Variants in ENAH observed in about 807,000 individuals in gnomAD.
ENAH encodes the protein protein enabled homolog.
In ENAH, 23 loss-of-function variants were observed where a neutral mutation model predicts 78.7. That is an observed-to-expected ratio of 0.29 (90% CI 0.21 to 0.41). The LOEUF (loss-of-function observed/expected upper bound fraction) is 0.41, where lower values mean the gene tolerates loss of function less well. Ranked by LOEUF, ENAH falls within the 10% of genes least tolerant of loss-of-function variation. ENAH has a pLI of 1.00. For synonymous variants in ENAH, 226 were observed against 241.0 expected, an observed-to-expected ratio of 0.94 and a Z score of 0.58; for missense variants, 544 against 691.0, an observed-to-expected ratio of 0.79 and a Z score of 2.39.
chr1:225,618,972 C>T (rs758854395), intron 1 of ENAH, among the ~76,000 whole-genome samples: 19 of 152,084 alleles, frequency 1.2e-4, no homozygotes, highest in Non-Finnish European at 2.6e-4. Context: ...TCCGAGGACC[C>T]CTACAATGGC....
At chr1:225,536,683 C>A (rs1210629924) in intron 3 of ENAH, among the ~76,000 whole-genome samples, 4 of 151,966 alleles carry the variant, frequency 2.6e-5, no homozygotes, top group Admixed American at 2.6e-4. Flanking sequence ...AAATAACACA[C>A]ATCTAAAAAT....
intron 1 of ENAH, among the ~76,000 whole-genome samples, chr1:225,646,931 T>C (rs1662077959): frequency 6.6e-6 from 1 of 151,992 alleles, no homozygotes; most frequent in Non-Finnish European, 1.5e-5. Context: ...CTGATAAGAA[T>C]CAAAACAAAG....
At chr1:225,650,580 G>A (rs780315810) in intron 1 of ENAH, among the ~76,000 whole-genome samples, 7 of 152,012 alleles carry the variant, frequency 4.6e-5, no homozygotes, top group Non-Finnish European at 1.0e-4. Flanking sequence ...GCCAGGCACC[G>A]TGGCTCACGC....
In ENAH at chr1:225,513,034, G is replaced by T. The variant is rs781409858; in HGVS notation, c.1219-18C>A. 4 of 1,586,450 alleles carry T rather than the reference G, an allele frequency of 2.5e-6. No homozygotes were observed. The highest frequency in any genetic ancestry group is 1.4e-5 in the African/African-American group (1 of 73,716). ...TCCTCCATCTTAATGAGAATATACA[G>T]ACATAATCAACTCCTATGTTAGACA... On this transcript the variant is annotated intron_variant, in intron 7 of 13. Transcript: ENST00000366843.
At chr1:225,562,428 C>T (rs536913578) in intron 2 of ENAH, among the ~76,000 whole-genome samples, 33 of 151,488 alleles carry the variant, frequency 2.2e-4, no homozygotes, top group African/African-American at 7.0e-4. Flanking sequence ...AAAAATTAAC[C>T]GGGCGTGGTG....
At chr1:225,592,449 G>T (rs1292186666) in intron 1 of ENAH, among the ~76,000 whole-genome samples, 2 of 152,158 alleles carry the variant, frequency 1.3e-5, no homozygotes, top group African/African-American at 4.8e-5. Flanking sequence ...ATTTTATGTG[G>T]TGGGTATTCT....
chr1:225,614,133 A>T (rs982066180), intron 1 of ENAH, among the ~76,000 whole-genome samples: 5 of 150,884 alleles, frequency 3.3e-5, no homozygotes, highest in African/African-American at 1.2e-4. Context: ...ATCTCGGCTC[A>T]CTGCAACCTC....
At chr1:225,512,155 A>G (rs2096382032) in intron 9 of ENAH, among the ~76,000 whole-genome samples, 1 of 152,220 alleles carries the variant, frequency 6.6e-6, no homozygotes. Flanking sequence ...AGGTGGCCAG[A>G]TGGAGCAGGG....
chr1:225,532,730 T>C (rs1250554437), intron 3 of ENAH, among the ~76,000 whole-genome samples: 1 of 152,128 alleles, frequency 6.6e-6, no homozygotes, highest in Non-Finnish European at 1.5e-5. Context: ...AATATTTTTT[T>C]AAAGCTTTTT....
intron 3 of ENAH, among the ~76,000 whole-genome samples, chr1:225,541,428 C>G (rs531083215): frequency 6.6e-6 from 1 of 151,834 alleles, no homozygotes; most frequent in East Asian, 1.9e-4. Flanking sequence ...GAGTGAGACT[C>G]AGTCTCAAAA....
At chr1:225,639,762 T>C (rs1660708476) in intron 1 of ENAH, among the ~76,000 whole-genome samples, 1 of 149,018 alleles carries the variant, frequency 6.7e-6, no homozygotes, top group Non-Finnish European at 1.5e-5. Flanking sequence ...TGGTCCTACT[T>C]CCTCCAAGAA....
chr1:225,495,722 A>G lies in ENAH; in HGVS notation c.*2053T>C, dbSNP rs1213053087. ...TCAAAGTGTTTGCATAACCAAAAGT[A>G]CAATAATAAAGATGAAAATGCCTCC... On this transcript the variant is annotated 3_prime_UTR_variant, in exon 14 of 14. Coordinates refer to ENST00000366843, the MANE Select transcript of ENAH (RefSeq NM_018212.6). The G allele has an allele frequency of 6.6e-6, 1 of 152,536 alleles. No homozygotes were observed. The highest frequency in any genetic ancestry group is 1.5e-5 in the Non-Finnish European group (1 of 68,030). 9.4% of individuals were successfully genotyped at this position (152,536 alleles called of 1,614,324 possible).
At chr1:225,575,265 C>T (rs1181526068) in intron 1 of ENAH, among the ~76,000 whole-genome samples, 1 of 152,196 alleles carries the variant, frequency 6.6e-6, no homozygotes, top group Non-Finnish European at 1.5e-5. Context: ...AGTTCCTCAA[C>T]TGGCTTATTT....
intron 1 of ENAH, among the ~76,000 whole-genome samples, chr1:225,593,418 T>TGGG (rs2096887708): frequency 2.4e-5 from 1 of 41,910 alleles, no homozygotes; most frequent in African/African-American, 8.6e-5. Context: ...GGGGGGGGGG[T>TGGG]GGGGGGTGCC....
intron 7 of ENAH, among the ~76,000 whole-genome samples, chr1:225,513,792 G>T (rs761047819): frequency 2.0e-5 from 3 of 152,068 alleles, no homozygotes; most frequent in Admixed American, 6.5e-5. Context: ...AGGATTTCAA[G>T]ACCAGTCTGG....
chr1:225,552,806 T>A (rs2096647619), intron 3 of ENAH, among the ~76,000 whole-genome samples: 1 of 152,234 alleles, frequency 6.6e-6, no homozygotes, highest in Non-Finnish European at 1.5e-5. Context: ...GTGTAGCTTG[T>A]AAAATGATGG....
At chr1:225,534,829 G>A (rs550919730) in intron 3 of ENAH, among the ~76,000 whole-genome samples, 8 of 152,052 alleles carry the variant, frequency 5.3e-5, no homozygotes, top group African/African-American at 1.4e-4. Flanking sequence ...AGATAGATAC[G>A]TATCCTTAGA....
At chr1:225,503,658 C>A (rs1222862909) in intron 11 of ENAH, among the ~76,000 whole-genome samples, 51 of 82,928 alleles carry the variant, frequency 6.1e-4, no homozygotes, top group South Asian at 1.3e-3. Flanking sequence ...CAAACCACCT[C>A]AAAAAAAAAA....
intron 1 of ENAH, among the ~76,000 whole-genome samples, chr1:225,650,616 C>G (rs1341677030): frequency 6.6e-6 from 1 of 151,776 alleles, no homozygotes; most frequent in African/African-American, 2.4e-5. Context: ...TTTGGGAGGC[C>G]GAAGCTGGTG....
Sources: gnomAD v4.1 joint callset for allele counts (sites outside exome capture counted in the v4.1 genomes callset) on GRCh38, gnomAD v4.1.1 for gene constraint, MANE v1.5 for transcripts, NCBI Gene and HGNC (gene_info 2026-07-23, HGNC 2026-07-21) for gene names.